The following HS3ST4 variants were observed in gnomAD, a reference collection of about 807,000 sequenced individuals.
HS3ST4 encodes the protein heparan sulfate glucosamine 3-O-sulfotransferase 4.
HS3ST4 carries 17 observed loss-of-function variants against 29.2 expected under a neutral mutation model. That is an observed-to-expected ratio of 0.58 (90% CI 0.40 to 0.87). The LOEUF (loss-of-function observed/expected upper bound fraction) is 0.87. Ranked by LOEUF, HS3ST4 falls within the 40% of genes least tolerant of loss-of-function variation. HS3ST4 has a pLI of 0.00. For missense variants in HS3ST4, 627 were observed against 634.5 expected (o/e 0.99, Z 0.13); for synonymous variants, 314 against 285.7 (o/e 1.10, Z -1.00).
At chr16:25,729,421 G>A (rs958020083) in intron 1 of HS3ST4, among the ~76,000 whole-genome samples, 1 of 152,190 alleles carries the variant, frequency 6.6e-6, no homozygotes, top group Non-Finnish European at 1.5e-5. Context: ...CAGGCAGAAA[G>A]CATGGAGTAG....
Position 25,692,397 on chromosome 16 carries a change from CGCCGCGAGCCGGGA to C in HS3ST4, c.-13_1del. 1.2e-6 allele frequency: 1 copy of C among 840,972 alleles called. No homozygotes were observed. Among genetic ancestry groups the C allele is most frequent in the Non-Finnish European group, 1.5e-6 (1 of 683,866 alleles). The allele number at this position is 840,972 out of a possible 1,614,324, so 52.1% of individuals were successfully genotyped here. The stretch of plus-strand genomic sequence containing the variant: ...CGGGGGCTGCCGCCGCCGCCGCCGC[CGCCGCGAGCCGGGA>C]GCCGCGATGGCCCGGTGGCCCGCAC... On this transcript the variant is annotated 5_prime_UTR_variant, in exon 1 of 2. Transcript: ENST00000331351.
At position 25,799,605 on chromosome 16, in the gene HS3ST4, A is replaced by G. The variant is rs117834606; in HGVS notation, c.734+106454A>G. ...TATTACCAATGTGAACTCTGGAGAC[A>G]TAGACATGGGATCACAAGCTGGCCT... On this transcript the variant is annotated intron_variant, in intron 1 of 1. Coordinates refer to ENST00000331351, the MANE Select transcript of HS3ST4 (RefSeq NM_006040.3). Among the ~76,000 whole-genome samples, 1,441 of 152,278 alleles carry G rather than the reference A, an allele frequency of 9.5e-3. 13 individuals are homozygous for G. The highest frequency in any genetic ancestry group is 0.013 in the Non-Finnish European group (896 of 68,020).
intron 1 of HS3ST4, among the ~76,000 whole-genome samples, chr16:25,803,076 TTTTTCTGTCTC>T (rs555592602): frequency 2.5e-3 from 382 of 151,656 alleles, no homozygotes; most frequent in Non-Finnish European, 4.0e-3. Flanking sequence ...TGTATTTCTC[TTTTTCTGTCTC>T]TTTTCTCACA....
intron 1 of HS3ST4, among the ~76,000 whole-genome samples, chr16:25,756,211 C>T (rs1374004482): frequency 6.6e-6 from 1 of 151,920 alleles, no homozygotes; most frequent in Non-Finnish European, 1.5e-5. Context: ...ATGGTTGGCC[C>T]TCAAACACAT....
chr16:25,826,906 C>T (rs1233423402), intron 1 of HS3ST4, among the ~76,000 whole-genome samples: 8 of 152,040 alleles, frequency 5.3e-5, no homozygotes, highest in Non-Finnish European at 1.2e-4. Flanking sequence ...AGTGATGATC[C>T]TCAGTATTAC....
At chr16:25,849,799 G>T (rs1362148860) in intron 1 of HS3ST4, among the ~76,000 whole-genome samples, 1 of 151,446 alleles carries the variant, frequency 6.6e-6, no homozygotes, top group Non-Finnish European at 1.5e-5. Flanking sequence ...GAGCCACCGT[G>T]CCTCACTTAG....
intron 1 of HS3ST4, among the ~76,000 whole-genome samples, chr16:25,944,109 C>G (rs1380471336): frequency 6.6e-6 from 1 of 152,132 alleles, no homozygotes; most frequent in Non-Finnish European, 1.5e-5. Flanking sequence ...GAAAGAGCCT[C>G]TTTTTCCACA....
At chr16:25,839,948 C>T (rs544086650) in intron 1 of HS3ST4, among the ~76,000 whole-genome samples, 17 of 152,158 alleles carry the variant, frequency 1.1e-4, no homozygotes, top group South Asian at 8.3e-4. Flanking sequence ...AAGTATAGGC[C>T]GAGAAGAAAC....
At chr16:26,010,206 C>T (rs1969297845) in intron 1 of HS3ST4, among the ~76,000 whole-genome samples, 1 of 152,088 alleles carries the variant, frequency 6.6e-6, no homozygotes, top group South Asian at 2.1e-4. Flanking sequence ...GTAATCCCAG[C>T]ACTATGGGAG....
intron 1 of HS3ST4, among the ~76,000 whole-genome samples, chr16:26,131,928 T>C (rs1233949659): frequency 6.6e-6 from 1 of 152,216 alleles, no homozygotes; most frequent in Non-Finnish European, 1.5e-5. Context: ...GGTGTTGAAT[T>C]ACTCTTGCTC....
intron 1 of HS3ST4, among the ~76,000 whole-genome samples, chr16:25,787,697 G>A (rs1016458250): frequency 3.9e-5 from 6 of 152,218 alleles, no homozygotes; most frequent in Non-Finnish European, 7.3e-5. Flanking sequence ...GGCTGAGGTG[G>A]AAGTATCGCT....
At chr16:25,773,140 C>G (rs989057941) in intron 1 of HS3ST4, among the ~76,000 whole-genome samples, 1 of 152,180 alleles carries the variant, frequency 6.6e-6, no homozygotes, top group African/African-American at 2.4e-5. Context: ...AAATGTCACA[C>G]AAAACTGCTG....
chr16:25,790,754 C>T (rs943868672), intron 1 of HS3ST4, among the ~76,000 whole-genome samples: 21 of 152,094 alleles, frequency 1.4e-4, no homozygotes, highest in African/African-American at 4.8e-4. Context: ...CTTTTTTCCT[C>T]TCCTATTGGT....
intron 1 of HS3ST4, among the ~76,000 whole-genome samples, chr16:26,054,211 G>A (rs1203002434): frequency 6.6e-6 from 1 of 150,652 alleles, no homozygotes; most frequent in Non-Finnish European, 1.5e-5. Context: ...TGACTGGTTG[G>A]ATTTACATCA....
intron 1 of HS3ST4, among the ~76,000 whole-genome samples, chr16:26,125,609 C>T (rs1165391402): frequency 6.6e-6 from 1 of 152,234 alleles, no homozygotes; most frequent in African/African-American, 2.4e-5. Flanking sequence ...TCCATTCTCT[C>T]TTCACGTTAT....
Position 26,052,353 on chromosome 16 carries a change from A to G in HS3ST4, c.735-83259A>G, listed in dbSNP as rs142177666. 1.3e-4 allele frequency among the ~76,000 whole-genome samples: 20 copies of G among 152,238 alleles called. 1 individual carries two copies. The East Asian group carries it at 3.9e-3, about 29-fold the overall frequency. The stretch of plus-strand genomic sequence containing the variant: ...CTGAATACTCCAATGTAAAAAAGTT[A>G]TTCTTATTACTTCTTAATTATTATT... On this transcript the variant is annotated intron_variant, in intron 1 of 1. Transcript: ENST00000331351.
chr16:26,075,781 A>C (rs897788408), intron 1 of HS3ST4, among the ~76,000 whole-genome samples: 2 of 152,212 alleles, frequency 1.3e-5, no homozygotes, highest in African/African-American at 4.8e-5. Flanking sequence ...TTATTCATCC[A>C]TGCCAGCCTG....
At chr16:25,722,568 G>T (rs1350944496) in intron 1 of HS3ST4, among the ~76,000 whole-genome samples, 1 of 152,200 alleles carries the variant, frequency 6.6e-6, no homozygotes, top group African/African-American at 2.4e-5. Flanking sequence ...CCTGGGAAAG[G>T]TCACAATATT....
chr16:25,915,466 A>G (rs750673668), intron 1 of HS3ST4, among the ~76,000 whole-genome samples: 2 of 152,226 alleles, frequency 1.3e-5, no homozygotes, highest in Non-Finnish European at 2.9e-5. Flanking sequence ...TAATGAAATG[A>G]AAATTCCAAG....
Sources: gnomAD v4.1 joint callset for allele counts (sites outside exome capture counted in the v4.1 genomes callset) on GRCh38, gnomAD v4.1.1 for gene constraint, MANE v1.5 for transcripts, NCBI Gene and HGNC (gene_info 2026-07-23, HGNC 2026-07-21) for gene names.